CEP85L: variants seen among roughly 807,000 people sequenced by gnomAD.
The protein encoded by CEP85L is centrosomal protein 85L.
In CEP85L, 60 loss-of-function variants were observed where a neutral mutation model predicts 100.3. The observed-to-expected ratio is 0.60, with a 90% confidence interval of 0.49 to 0.74. CEP85L has a LOEUF of 0.74. Among genes scored for constraint, CEP85L ranks in the 30% least tolerant of loss-of-function variants. CEP85L has a pLI of 0.00. For missense variants in CEP85L, 973 were observed against 936.2 expected, an observed-to-expected ratio of 1.04 and a Z score of -0.51; for synonymous variants, 319 against 322.7, an observed-to-expected ratio of 0.99 and a Z score of 0.12.
rs552081715 is a variant in CEP85L, at chr6:118,464,241, T to C, written c.*1164A>G. The C allele has an allele frequency of 6.6e-6, 1 of 152,332 alleles. No homozygotes were observed. The highest frequency in any genetic ancestry group is 1.9e-4 in the East Asian group (1 of 5,192). 9.4% of individuals were successfully genotyped at this position (152,332 alleles called of 1,614,324 possible). ...ACTCATTTGGAAGTTTAAATGACTG[T>C]ACGTCTACTGCAAAATCAACTGCAT... is the stretch of plus-strand genomic sequence containing the variant. On this transcript the variant is annotated 3_prime_UTR_variant, in exon 13 of 13. Transcript: ENST00000368491.
At chr6:118,556,771 G>T (rs533988604) in intron 3 of CEP85L, among the ~76,000 whole-genome samples, 3 of 152,118 alleles carry the variant, frequency 2.0e-5, no homozygotes, top group African/African-American at 7.2e-5. Flanking sequence ...TTTTTTCTCC[G>T]TTTTTCATTT....
intron 2 of CEP85L, among the ~76,000 whole-genome samples, chr6:118,630,629 A>T (rs1439666855): frequency 6.6e-6 from 1 of 152,248 alleles, no homozygotes; most frequent in African/African-American, 2.4e-5. Context: ...TCAAGCCATG[A>T]AAAGACATGG....
intron 4 of CEP85L, 38 bp downstream of exon 4, chr6:118,523,764 G>A (rs1320221276): frequency 1.0e-6 from 1 of 971,122 alleles, no homozygotes; most frequent in Non-Finnish European, 1.6e-6. Flanking sequence ...CTAAATTTCT[G>A]TAGGCCTGAA....
intron 3 of CEP85L, among the ~76,000 whole-genome samples, chr6:118,537,041 G>C (rs1366641497): frequency 6.6e-6 from 1 of 152,068 alleles, no homozygotes; most frequent in African/African-American, 2.4e-5. Context: ...CGAGGTACTT[G>C]TTTTGATAGA....
chr6:118,588,323 C>T (rs1780983104), intron 2 of CEP85L, among the ~76,000 whole-genome samples: 3 of 152,154 alleles, frequency 2.0e-5, no homozygotes, highest in African/African-American at 7.2e-5. Context: ...CTTAATATCT[C>T]TATTATAATG....
intron 2 of CEP85L, among the ~76,000 whole-genome samples, chr6:118,585,482 A>C (rs761487059): frequency 6.6e-6 from 1 of 152,250 alleles, no homozygotes; most frequent in East Asian, 1.9e-4. Context: ...AAGACAACAC[A>C]CTTCAAACCC....
chr6:118,538,945 GA>G (rs1401044714), intron 3 of CEP85L, among the ~76,000 whole-genome samples: 2 of 152,058 alleles, frequency 1.3e-5, no homozygotes, highest in Non-Finnish European at 2.9e-5. Context: ...GACAATTTAT[GA>G]AACAGGTATC....
chr6:118,651,614 C>G (rs1033042772), upstream of CEP85L: 1 of 1,050,650 alleles, frequency 9.5e-7, no homozygotes, highest in Non-Finnish European at 1.1e-6. Context: ...CCGGCAGAGC[C>G]AGAGCCGGGG....
At chr6:118,675,667 C>T (rs1776460078) in intron 1 of CEP85L, among the ~76,000 whole-genome samples, 1 of 150,872 alleles carries the variant, frequency 6.6e-6, no homozygotes, top group South Asian at 2.1e-4. Flanking sequence ...CTTTGGGAGG[C>T]TGAAGTGGGA....
chr6:118,551,544 A>T (rs1221488547), intron 3 of CEP85L, among the ~76,000 whole-genome samples: 1 of 152,010 alleles, frequency 6.6e-6, no homozygotes, highest in African/African-American at 2.4e-5. Context: ...AAAAACAATA[A>T]TGAAGGCAAA....
Position 118,514,518 on chromosome 6 carries a change from C to A in CEP85L, c.1140-3103G>T, listed in dbSNP as rs549614804. 2.5e-4 allele frequency among the ~76,000 whole-genome samples: 26 copies of A among 105,934 alleles called. No individual in the cohort carries two copies. The South Asian group carries it at 7.1e-3, about 29-fold the overall frequency. The allele number at this position is 105,934 out of a possible 152,430, so 69.5% of individuals were successfully genotyped here. A position where few individuals can be genotyped will look rare whatever the true frequency, so the allele number is the denominator to read the frequency against. On this transcript the variant is annotated intron_variant, in intron 4 of 12. Coordinates refer to ENST00000368491, the MANE Select transcript of CEP85L (RefSeq NM_001042475.3). ...TCAGCCTGGGAGACAGAGCAAGACA[C>A]TGTCTCAAAAAAAAAAAAAAAAAAA...
intron 1 of CEP85L, among the ~76,000 whole-genome samples, chr6:118,708,611 G>A (rs1027067406): frequency 2.6e-5 from 4 of 152,092 alleles, no homozygotes; most frequent in South Asian, 2.1e-4. Flanking sequence ...TGTTTTTCTC[G>A]TATACCTGGC....
At chr6:118,491,421 A>T in intron 6 of CEP85L, 1 of 1,108,682 alleles carries the variant, frequency 9.0e-7, no homozygotes, top group Middle Eastern at 3.5e-4. Context: ...AAGGAAAAGG[A>T]GAACAGTTAT....
At chr6:118,469,346 G>A (rs1582847277) in intron 11 of CEP85L, 43 bp from the exon 12 acceptor site, 1 of 1,490,930 alleles carries the variant, frequency 6.7e-7, no homozygotes, top group East Asian at 2.3e-5. Flanking sequence ...TTAGAACAGA[G>A]GAAAGGTACT....
chr6:118,616,848 G>A (rs1199566711), intron 2 of CEP85L, among the ~76,000 whole-genome samples: 2 of 151,602 alleles, frequency 1.3e-5, no homozygotes, highest in African/African-American at 4.8e-5. Flanking sequence ...AGGAGGCTGA[G>A]GCAGGAGAAT....
chr6:118,485,346 A>G (rs1774100432), intron 6 of CEP85L, among the ~76,000 whole-genome samples: 1 of 152,192 alleles, frequency 6.6e-6, no homozygotes, highest in Non-Finnish European at 1.5e-5. Context: ...ACACTTGTTC[A>G]CAGTCTAGTT....
At chr6:118,668,744 T>C (rs1776207178) in intron 1 of CEP85L, among the ~76,000 whole-genome samples, 1 of 152,216 alleles carries the variant, frequency 6.6e-6, no homozygotes, top group South Asian at 2.1e-4. Context: ...AAAATTAAGA[T>C]GGGAAATAAT....
chr6:118,629,019 G>A (rs1348258801), intron 2 of CEP85L, among the ~76,000 whole-genome samples: 3 of 152,062 alleles, frequency 2.0e-5, no homozygotes, highest in Admixed American at 6.6e-5. Flanking sequence ...TCAACCAACC[G>A]TGGATCAAAA....
chr6:118,556,023 TACC>T (rs1778851509), intron 3 of CEP85L, among the ~76,000 whole-genome samples: 1 of 152,218 alleles, frequency 6.6e-6, no homozygotes, highest in Admixed American at 6.5e-5. Flanking sequence ...GGTGTATATG[TACC>T]ACATTTTCTT....
Sources: gnomAD v4.1 joint callset for allele counts (sites outside exome capture counted in the v4.1 genomes callset) on GRCh38, gnomAD v4.1.1 for gene constraint, MANE v1.5 for transcripts, NCBI Gene and HGNC (gene_info 2026-07-23, HGNC 2026-07-21) for gene names.